Variants in BLTP1 observed in about 807,000 individuals in gnomAD.
BLTP1 encodes the protein bridge-like lipid transfer protein family member 1.
the BLTP1 span, among the ~76,000 whole-genome samples, chr4:122,203,016 T>A: frequency 6.6e-6 from 1 of 151,964 alleles, no homozygotes; most frequent in African/African-American, 2.4e-5. Context: ...AAAAGACATA[T>A]AGCATAACAA....
the BLTP1 span, among the ~76,000 whole-genome samples, chr4:122,217,517 T>C: frequency 1.3e-5 from 2 of 152,190 alleles, no homozygotes; most frequent in African/African-American, 2.4e-5. Flanking sequence ...ATTTTGTTTA[T>C]GTGATATATC....
At chr4:122,190,432 T>A in the BLTP1 span, 1 of 977,538 alleles carries the variant, frequency 1.0e-6, no homozygotes, top group Admixed American at 6.2e-5. Context: ...TAGCTACAAT[T>A]CTATTTCTTC....
At chr4:122,197,262 G>C in the BLTP1 span, 2 of 1,488,226 alleles carry the variant, frequency 1.3e-6, no homozygotes, top group Non-Finnish European at 1.8e-6. Context: ...TCCAATGACA[G>C]TTGAAGAAAA....
At chr4:122,194,688 ATAAAGTGTGATT>A in the BLTP1 span, 1 of 861,844 alleles carries the variant, frequency 1.2e-6, no homozygotes, top group Non-Finnish European at 1.4e-6. Flanking sequence ...TAGCACTTAA[ATAAAGTGTGATT>A]CTTCTTAAAC....
At chr4:122,257,418 A>T in the BLTP1 span, 4 of 1,614,046 alleles carry the variant, frequency 2.5e-6, no homozygotes, top group Non-Finnish European at 3.4e-6. Flanking sequence ...GAACATGAAG[A>T]TGGACTTGGA....
the BLTP1 span, among the ~76,000 whole-genome samples, chr4:122,159,680 G>T: frequency 6.6e-6 from 1 of 151,978 alleles, no homozygotes; most frequent in Non-Finnish European, 1.5e-5. Context: ...TGTTTTTAAT[G>T]CCTTCAGCAT....
chr4:122,337,230 G>T, the BLTP1 span: 2 of 532,110 alleles, frequency 3.8e-6, no homozygotes, highest in Non-Finnish European at 6.6e-6. Flanking sequence ...TTATGATGCT[G>T]TTCTGATTAA....
At chr4:122,238,135 A>G in the BLTP1 span, 1 of 1,613,850 alleles carries the variant, frequency 6.2e-7, no homozygotes, top group Non-Finnish European at 8.5e-7. Flanking sequence ...AAAACAAATC[A>G]GTGGGAATAG....
the BLTP1 span, chr4:122,306,129 G>A: frequency 1.5e-6 from 2 of 1,336,950 alleles, no homozygotes; most frequent in Non-Finnish European, 2.0e-6. Context: ...GTTTACTGGT[G>A]TAAATGCTTG....
chr4:122,234,280 T>G, the BLTP1 span: 2 of 359,692 alleles, frequency 5.6e-6, no homozygotes, highest in African/African-American at 4.5e-5. Context: ...TATTTTAATT[T>G]TATTGAGAAA....
chr4:122,286,615 A>G, the BLTP1 span: 7 of 1,614,104 alleles, frequency 4.3e-6, no homozygotes, highest in Middle Eastern at 1.7e-4. Flanking sequence ...TGCCACAGAT[A>G]TGTCAACCAT....
chr4:122,306,515 T>C, the BLTP1 span: 1 of 971,268 alleles, frequency 1.0e-6, no homozygotes, highest in East Asian at 1.1e-4. Flanking sequence ...AGGAATTCTC[T>C]ACCTTTGCCT....
chr4:122,229,442 C>G, the BLTP1 span, among the ~76,000 whole-genome samples: 1 of 152,034 alleles, frequency 6.6e-6, no homozygotes, highest in Non-Finnish European at 1.5e-5. Context: ...GTTATTTACT[C>G]TGAGTTATTG....
the BLTP1 span, among the ~76,000 whole-genome samples, chr4:122,279,531 G>A: frequency 1.3e-5 from 2 of 152,056 alleles, no homozygotes; most frequent in African/African-American, 4.8e-5. Context: ...CTGTCAAACT[G>A]ATATCTTATC....
At chr4:122,152,857 C>A in the BLTP1 span, 1 of 410,942 alleles carries the variant, frequency 2.4e-6, no homozygotes, top group Non-Finnish European at 3.3e-6. Context: ...TGGTAAGGCG[C>A]TCCACTTGCT....
chr4:122,222,290 C>T, the BLTP1 span, among the ~76,000 whole-genome samples: 1 of 152,054 alleles, frequency 6.6e-6, no homozygotes, highest in African/African-American at 2.4e-5. Context: ...TGTCTACTCC[C>T]AAGGCTCAAA....
At chr4:122,180,054 A>G in the BLTP1 span, 1 of 977,148 alleles carries the variant, frequency 1.0e-6, no homozygotes, top group Middle Eastern at 5.3e-4. Context: ...ATACACACAC[A>G]CACACACACA....
At chr4:122,294,137 C>T in the BLTP1 span, among the ~76,000 whole-genome samples, 1 of 151,764 alleles carries the variant, frequency 6.6e-6, no homozygotes, top group East Asian at 1.9e-4. Flanking sequence ...GGGGGTGGGG[C>T]GCTGCCATCT....
At chr4:122,325,830 T>C in the BLTP1 span, 1 of 1,066,950 alleles carries the variant, frequency 9.4e-7, no homozygotes, top group East Asian at 6.3e-5. Flanking sequence ...TTTTTTTTTT[T>C]ACTTTTCTCA....
Sources: allele counts gnomAD v4.1 joint callset (sites outside exome capture counted in the v4.1 genomes callset), GRCh38; gene constraint gnomAD v4.1.1; transcripts MANE v1.5; gene names NCBI Gene and HGNC (gene_info 2026-07-23, HGNC 2026-07-21).